Variants in GRID1 observed in about 807,000 individuals in gnomAD.
GRID1 encodes glutamate ionotropic receptor delta type subunit 1.
A neutral mutation model predicts 98.0 loss-of-function variants in GRID1; 28 were observed. The observed-to-expected ratio is 0.29, with a 90% CI of 0.21 to 0.39. The LOEUF (loss-of-function observed/expected upper bound fraction) is 0.39, where lower values mean the gene tolerates loss of function less well. GRID1 is among the 10% of genes least tolerant of loss of function. GRID1 has a pLI of 1.00. For missense variants in GRID1, 1,111 were observed against 1,340.5 expected, an observed-to-expected ratio of 0.83 and a Z score of 2.67; for synonymous variants, 553 against 538.5, an observed-to-expected ratio of 1.03 and a Z score of -0.37.
At chr10:85,949,912 A>G (rs1252941658) in intron 4 of GRID1, among the ~76,000 whole-genome samples, 1 of 151,636 alleles carries the variant, frequency 6.6e-6, no homozygotes, top group East Asian at 1.9e-4. Context: ...ATAGGGATGG[A>G]TGGATGGATG....
chr10:86,266,620 C>T (rs1847108196), intron 2 of GRID1, among the ~76,000 whole-genome samples: 1 of 152,238 alleles, frequency 6.6e-6, no homozygotes, highest in Non-Finnish European at 1.5e-5. Flanking sequence ...CAGCTCAGAG[C>T]CGCCAGGCCC....
chr10:86,118,914 G>A (rs1844626494), intron 4 of GRID1, among the ~76,000 whole-genome samples: 1 of 152,114 alleles, frequency 6.6e-6, no homozygotes, highest in Admixed American at 6.5e-5. Flanking sequence ...GTCATCAAAA[G>A]CCAAGAAAAG....
chr10:85,868,998 C>G lies in GRID1; in HGVS notation c.951+12G>C, dbSNP rs199754820. 4.5e-5 allele frequency: 72 copies of G among 1,611,944 alleles called. No homozygotes were observed. The highest frequency in any genetic ancestry group is 1.9e-4 in the Middle Eastern group (1 of 5,386). On this transcript the variant is annotated intron_variant, in intron 6 of 15. Coordinates refer to ENST00000327946, the MANE Select transcript of GRID1 (RefSeq NM_017551.3). ...GGTGGAGGGGACTGGAGAGAAGAGG[C>G]TGAGCACTGACCTGCAGCATCTGGA...
At chr10:86,260,868 C>T (rs574226375) in intron 2 of GRID1, among the ~76,000 whole-genome samples, 2 of 152,370 alleles carry the variant, frequency 1.3e-5, no homozygotes, top group Admixed American at 1.3e-4. Flanking sequence ...GTTCCTTCAC[C>T]TGTGATGGAG....
In GRID1 at chr10:85,807,022, T is replaced by TA. The variant is rs972833132; in HGVS notation, c.1233+47473dup. 7.3e-4 allele frequency among the ~76,000 whole-genome samples: 109 copies of TA among 149,654 alleles called. 1 individual carries two copies. The highest frequency in any genetic ancestry group is 1.8e-3 in the African/African-American group (72 of 40,884). On this transcript the variant is annotated intron_variant, in intron 8 of 15. Coordinates refer to ENST00000327946, the MANE Select transcript of GRID1 (RefSeq NM_017551.3). ...AGACAAATAGTACTGCTTTTAAAAG[T>TA]AAAAAAAAAATCTTGGTTTATTAAC...
At chr10:85,706,295 A>G (rs992559915) in intron 12 of GRID1, among the ~76,000 whole-genome samples, 1 of 152,224 alleles carries the variant, frequency 6.6e-6, no homozygotes, top group Non-Finnish European at 1.5e-5. Flanking sequence ...TGCAAAAATC[A>G]TAAGCATTCT....
intron 4 of GRID1, among the ~76,000 whole-genome samples, chr10:85,997,938 G>T (rs954812153): frequency 2.0e-5 from 3 of 152,098 alleles, no homozygotes; most frequent in African/African-American, 7.2e-5. Context: ...TCAGACAAAT[G>T]AAATATCAGA....
At chr10:85,795,446 C>A (rs1044451530) in intron 8 of GRID1, among the ~76,000 whole-genome samples, 1 of 152,194 alleles carries the variant, frequency 6.6e-6, no homozygotes, top group East Asian at 1.9e-4. Flanking sequence ...TCATCAAAGG[C>A]TCTCAGAAGC....
rs201230987 is a variant in GRID1, at chr10:86,016,708, T to TA, written c.727-100470dup. Among the ~76,000 whole-genome samples the TA allele has an allele frequency of 4.6e-5, 7 of 152,310 alleles. No individual in the cohort carries two copies. The East Asian group carries it at 1.3e-3, about 29-fold the overall frequency. On this transcript the variant is annotated intron_variant, in intron 4 of 15. Coordinates refer to ENST00000327946, the MANE Select transcript of GRID1 (RefSeq NM_017551.3). ...TGTGATATTTTATTTTCAATGGCTC[T>TA]AAAAAATAGTCTTATACCACAATTG...
intron 8 of GRID1, among the ~76,000 whole-genome samples, chr10:85,777,411 G>A (rs1229620831): frequency 6.6e-6 from 1 of 152,190 alleles, no homozygotes; most frequent in East Asian, 1.9e-4. Flanking sequence ...TGGTATCCTT[G>A]GAAGACTTTA....
chr10:85,878,927 T>C (rs1840955393), intron 5 of GRID1, among the ~76,000 whole-genome samples: 1 of 151,952 alleles, frequency 6.6e-6, no homozygotes, highest in Admixed American at 6.6e-5. Flanking sequence ...TGGAGGAAGA[T>C]CTACCAAGCA....
chr10:86,225,350 G>A lies in GRID1; in HGVS notation c.236-18702C>T, dbSNP rs1260058102. Among the ~76,000 whole-genome samples, 3 of 152,330 alleles carry A rather than the reference G, an allele frequency of 2.0e-5. No homozygotes were observed. The South Asian group carries it at 6.2e-4, about 32-fold the overall frequency. ...GCTCAGCACTTTTTTGCCTTAAATG[G>A]TTGAGTGTTTTTTAAAAGGATATAA... On this transcript the variant is annotated intron_variant, in intron 2 of 15. Transcript: ENST00000327946.
At chr10:85,774,484 T>C (rs996318706) in intron 8 of GRID1, among the ~76,000 whole-genome samples, 1 of 151,466 alleles carries the variant, frequency 6.6e-6, no homozygotes, top group African/African-American at 2.4e-5. Context: ...TGGAATCTAA[T>C]TAAACTAAAG....
At chr10:86,244,525 G>A (rs373776092) in intron 2 of GRID1, among the ~76,000 whole-genome samples, 37 of 152,326 alleles carry the variant, frequency 2.4e-4, no homozygotes, top group South Asian at 1.5e-3. Context: ...CTCAGACACC[G>A]CACCATTATG....
intron 3 of GRID1, among the ~76,000 whole-genome samples, chr10:86,156,083 G>T (rs559104263): frequency 6.6e-6 from 1 of 152,164 alleles, no homozygotes; most frequent in African/African-American, 2.4e-5. Flanking sequence ...TGCAAAATTC[G>T]GAACTCCATC....
intron 2 of GRID1, among the ~76,000 whole-genome samples, chr10:86,327,566 A>G (rs1040221427): frequency 2.6e-5 from 4 of 152,224 alleles, no homozygotes; most frequent in African/African-American, 9.6e-5. Context: ...ACTGGAGAAG[A>G]ATGCCATTGT....
intron 4 of GRID1, among the ~76,000 whole-genome samples, chr10:85,930,701 A>C (rs1417505805): frequency 6.6e-6 from 1 of 152,078 alleles, no homozygotes; most frequent in Non-Finnish European, 1.5e-5. Context: ...ACAGTGTGTA[A>C]GTTTTTGAGT....
intron 15 of GRID1, among the ~76,000 whole-genome samples, chr10:85,612,059 G>A (rs1244632669): frequency 1.3e-5 from 2 of 152,212 alleles, no homozygotes; most frequent in South Asian, 2.1e-4. Context: ...GAACATTGCA[G>A]ATGTACTGAG....
intron 4 of GRID1, among the ~76,000 whole-genome samples, chr10:85,953,599 A>G (rs1842152176): frequency 6.6e-6 from 1 of 152,214 alleles, no homozygotes; most frequent in South Asian, 2.1e-4. Context: ...TCCACTTTGC[A>G]GAATCTGTGG....
Sources: allele counts gnomAD v4.1 joint callset (sites outside exome capture counted in the v4.1 genomes callset), GRCh38; gene constraint gnomAD v4.1.1; transcripts MANE v1.5; gene names NCBI Gene and HGNC (gene_info 2026-07-23, HGNC 2026-07-21).